CCDC13: variants seen among roughly 807,000 people sequenced by gnomAD.
The protein encoded by CCDC13 is coiled-coil domain containing 13, also known as coiled-coil domain-containing protein 13.
CCDC13 carries 70 observed loss-of-function variants against 87.3 expected under a neutral mutation model. The observed-to-expected ratio is 0.80, with a 90% confidence interval of 0.66 to 0.98. The LOEUF is 0.98. Ranked by LOEUF, CCDC13 falls within the 50% of genes least tolerant of loss-of-function variation. CCDC13 has a pLI of 0.00. For missense variants in CCDC13, 842 were observed against 892.0 expected (o/e 0.94, Z 0.71); for synonymous variants, 317 against 360.3 (o/e 0.88, Z 1.36).
chr3:42,763,634 T>G (rs1699877748), intron 1 of CCDC13, among the ~76,000 whole-genome samples: 1 of 151,962 alleles, frequency 6.6e-6, no homozygotes, highest in Non-Finnish European at 1.5e-5. Context: ...CCTTCTGAGT[T>G]GCTGGGACTA....
At chr3:42,735,642 G>A in intron 10 of CCDC13, 65 bp downstream of exon 10, 1 of 1,523,690 alleles carries the variant, frequency 6.6e-7, no homozygotes, top group South Asian at 1.2e-5. Context: ...GGAAAGAAGT[G>A]GAAGGAGCTG....
chr3:42,730,322 G>A (rs563113448), intron 13 of CCDC13, 145 bp downstream of exon 13: 3 of 1,141,594 alleles, frequency 2.6e-6, no homozygotes, highest in Non-Finnish European at 3.7e-6. Context: ...AGGTTGTGGG[G>A]CGCATGAGTT....
intron 1 of CCDC13, among the ~76,000 whole-genome samples, chr3:42,772,128 C>G (rs931688122): frequency 6.6e-6 from 1 of 151,632 alleles, no homozygotes; most frequent in African/African-American, 2.4e-5. Flanking sequence ...CAAAATTAGC[C>G]AGGCATGGTG....
chr3:42,733,423 ATAAT>A, intron 11 of CCDC13, 43 bp downstream of exon 11: 1 of 1,610,144 alleles, frequency 6.2e-7, no homozygotes, highest in Non-Finnish European at 8.5e-7. Context: ...TTTCTTCCGA[ATAAT>A]TAATGTTCAC....
intron 1 of CCDC13, among the ~76,000 whole-genome samples, chr3:42,768,421 G>A (rs1699976548): frequency 6.6e-6 from 1 of 152,248 alleles, no homozygotes; most frequent in Non-Finnish European, 1.5e-5. Context: ...AAGAGGCCGG[G>A]AATGGTGGCT....
chr3:42,735,571 T>C (rs889930442), intron 10 of CCDC13, 136 bp downstream of exon 10: 8 of 836,680 alleles, frequency 9.6e-6, no homozygotes, highest in African/African-American at 8.3e-5. Context: ...GGGAGCCAGA[T>C]AGAAGCAGGT....
Position 42,706,910 on chromosome 3 carries a change from A to G in CCDC13, c.*2070T>C, listed in dbSNP as rs1698193297. On this transcript the variant is annotated 3_prime_UTR_variant, in exon 16 of 16. Coordinates refer to ENST00000310232, the MANE Select transcript of CCDC13 (RefSeq NM_144719.4). ...GGTTAAATAACTTGCCCAAGGCCAC[A>G]CAGCTGGTAAGTGGGGAGAGAAGTA... The G allele has an allele frequency of 6.6e-6, 1 of 152,294 alleles. No homozygotes were observed. Among genetic ancestry groups the G allele is most frequent in the African/African-American group, 2.4e-5 (1 of 41,474 alleles). The allele number at this position is 152,294 out of a possible 1,614,324, so 9.4% of individuals were successfully genotyped here. A position where few individuals can be genotyped will look rare whatever the true frequency, so the allele number is the denominator to read the frequency against.
intron 13 of CCDC13, among the ~76,000 whole-genome samples, chr3:42,716,103 C>T (rs544330068): frequency 6.6e-6 from 1 of 152,222 alleles, no homozygotes; most frequent in South Asian, 2.1e-4. Context: ...TGAGTGCTTT[C>T]CACATACCAA....
intron 14 of CCDC13, among the ~76,000 whole-genome samples, chr3:42,711,064 G>T (rs189243117): frequency 1.1e-4 from 17 of 151,278 alleles, no homozygotes; most frequent in African/African-American, 3.9e-4. Flanking sequence ...CGGCCAACAT[G>T]GTAAAACACC....
intron 5 of CCDC13, among the ~76,000 whole-genome samples, chr3:42,748,094 A>C (rs1699468534): frequency 1.3e-5 from 2 of 151,666 alleles, no homozygotes; most frequent in Non-Finnish European, 2.9e-5. Flanking sequence ...TTTTTAACCC[A>C]ATGTTTTATT....
rs528397586 is a variant in CCDC13 at position 42,727,974 on chromosome 3, T to C, written c.1718+2493A>G. ...AATCAAAGTGGATTAAACGATACTGTTCAAACACAGAAATTCCCAGATTAA... is the reference window on the plus strand; with the variant it reads ...AATCAAAGTGGATTAAACGATACTGCTCAAACACAGAAATTCCCAGATTAA... On this transcript the variant is annotated intron_variant, in intron 13 of 15. Coordinates refer to ENST00000310232, the MANE Select transcript of CCDC13 (RefSeq NM_144719.4). 2.0e-5 allele frequency among the ~76,000 whole-genome samples: 3 copies of C among 152,328 alleles called. No homozygotes were observed. The South Asian group carries it at 6.2e-4, about 32-fold the overall frequency.
intron 13 of CCDC13, among the ~76,000 whole-genome samples, chr3:42,723,638 A>G (rs1213435316): frequency 6.6e-6 from 1 of 152,250 alleles, no homozygotes; most frequent in Non-Finnish European, 1.5e-5. Context: ...GTAAGATTCA[A>G]CATCGGAATT....
At position 42,733,061 on chromosome 3, in the gene CCDC13, A is replaced by G. The variant is rs911804834; in HGVS notation, c.1512-91T>C. 14 of 1,046,498 alleles carry G rather than the reference A, an allele frequency of 1.3e-5. No individual in the cohort carries two copies. In the Admixed American group the frequency reaches 2.6e-4, roughly 19 times the overall value. The allele number at this position is 1,046,498 out of a possible 1,614,324, so 64.8% of individuals were successfully genotyped here. A position where few individuals can be genotyped will look rare whatever the true frequency, so the allele number is the denominator to read the frequency against. On this transcript the variant is annotated intron_variant, in intron 11 of 15. Coordinates refer to ENST00000310232, the MANE Select transcript of CCDC13 (RefSeq NM_144719.4). ...CTGCATGTGAGGTGGAGCAGTGGCC[A>G]GCAGGGGTCCAGGAAACCCTTGCAG...
In CCDC13 at chr3:42,708,354, C is replaced by G. The variant is rs1698224021; in HGVS notation, c.*626G>C. 1.3e-5 allele frequency: 2 copies of G among 152,140 alleles called. No homozygotes were observed. Among genetic ancestry groups the G allele is most frequent in the African/African-American group, 4.8e-5 (2 of 41,390 alleles). The allele number at this position is 152,140 out of a possible 1,614,324, so 9.4% of individuals were successfully genotyped here. ...TAGAGGACTGAATGGGGTCAGGTTG[C>G]CACAGTAGATGCTCACTCACTGGGA... On this transcript the variant is annotated 3_prime_UTR_variant, in exon 16 of 16. Transcript: ENST00000310232.
chr3:42,761,672 C>T (rs1301604193), intron 1 of CCDC13, among the ~76,000 whole-genome samples: 1 of 152,210 alleles, frequency 6.6e-6, no homozygotes, highest in African/African-American at 2.4e-5. Context: ...TGACAGACTC[C>T]TGTGCAAAAA....
chr3:42,720,787 A>G (rs1376896955), intron 13 of CCDC13, among the ~76,000 whole-genome samples: 1 of 152,228 alleles, frequency 6.6e-6, no homozygotes, highest in Non-Finnish European at 1.5e-5. Context: ...GGTATTATTC[A>G]GCTTTTCCGT....
At chr3:42,721,213 C>T (rs1698552910) in intron 13 of CCDC13, among the ~76,000 whole-genome samples, 1 of 152,132 alleles carries the variant, frequency 6.6e-6, no homozygotes, top group African/African-American at 2.4e-5. Flanking sequence ...ACCAAAATTT[C>T]CTAGTCAATT....
At chr3:42,743,086 A>G (rs975416005) in intron 7 of CCDC13, 29 bp from the exon 8 acceptor site, 1 of 1,612,472 alleles carries the variant, frequency 6.2e-7, no homozygotes, top group East Asian at 2.2e-5. Flanking sequence ...GTCGTTCCAC[A>G]ATGGGTCTTC....
chr3:42,752,843 C>T, intron 3 of CCDC13, 126 bp from the exon 4 acceptor site: 1 of 1,143,692 alleles, frequency 8.7e-7, no homozygotes, highest in Non-Finnish European at 1.2e-6. Flanking sequence ...CATAAAGGGG[C>T]ACTAACTTAG....
Sources: gnomAD v4.1 joint callset for allele counts (sites outside exome capture counted in the v4.1 genomes callset) on GRCh38, gnomAD v4.1.1 for gene constraint, MANE v1.5 for transcripts, NCBI Gene and HGNC (gene_info 2026-07-23, HGNC 2026-07-21) for gene names.